The following CAMK4 variants were observed in gnomAD, a reference collection of about 807,000 sequenced individuals.
CAMK4 encodes calcium/calmodulin-dependent protein kinase type IV.
CAMK4 carries 22 observed loss-of-function variants against 44.9 expected under a neutral mutation model. The ratio of observed to expected loss-of-function variants is 0.49; its 90% confidence interval spans 0.35 to 0.70. The LOEUF is 0.70. CAMK4 is among the 30% of genes least tolerant of loss of function. The pLI is 0.01. For missense variants in CAMK4, 498 were observed against 586.8 expected (o/e 0.85, Z 1.56); for synonymous variants, 218 against 215.4 (o/e 1.01, Z -0.11).
At chr5:111,481,617 T>G (rs1055458932) in intron 9 of CAMK4, among the ~76,000 whole-genome samples, 3 of 152,164 alleles carry the variant, frequency 2.0e-5, no homozygotes, top group Admixed American at 2.0e-4. Context: ...CAAAGCTCCT[T>G]ATTTTGCACA....
intron 5 of CAMK4, among the ~76,000 whole-genome samples, chr5:111,419,039 A>G (rs969161589): frequency 5.3e-5 from 8 of 152,108 alleles, no homozygotes; most frequent in Non-Finnish European, 1.2e-4. Flanking sequence ...CAATGGTTGA[A>G]CTAGTTTACA....
In CAMK4 at chr5:111,484,375, T is replaced by C; in HGVS notation, c.1331T>C (p.Val444Ala). 3 of 1,599,768 alleles carry C rather than the reference T, an allele frequency of 1.9e-6. No homozygotes were observed. Among genetic ancestry groups the C allele is most frequent in the Non-Finnish European group, 2.6e-6 (3 of 1,173,648 alleles). ...EGLAEEKLKT[V>A]EEAAAPREGQ... ...CTAGCAGAGGAGAAGCTGAAGACTG[T>C]GGAGGAGGCAGCAGCTCCCAGAGAA... is the stretch of plus-strand genomic sequence containing the variant. Residue 444 changes from valine to alanine, a missense_variant, in exon 11 of 11, where the codon GTG becomes GCG. Transcript: ENST00000282356. The surrounding 1 kb of genome is among the most constrained non-coding windows in gnomAD (Gnocchi z 5.3).
At chr5:111,394,964 T>C (rs1356549450) in intron 5 of CAMK4, among the ~76,000 whole-genome samples, 182 bp downstream of exon 5, 1 of 151,916 alleles carries the variant, frequency 6.6e-6, no homozygotes, top group African/African-American at 2.4e-5. Context: ...ATCTCAGCAC[T>C]TTGGGAGGCT....
intron 1 of CAMK4, among the ~76,000 whole-genome samples, chr5:111,235,737 T>C (rs2088978746): frequency 6.6e-6 from 1 of 152,094 alleles, no homozygotes; most frequent in African/African-American, 2.4e-5. Flanking sequence ...CTAAGGGCTG[T>C]TGGGATTGGG....
chr5:111,418,697 G>T (rs1234496314), intron 5 of CAMK4, among the ~76,000 whole-genome samples: 1 of 151,546 alleles, frequency 6.6e-6, no homozygotes, highest in Non-Finnish European at 1.5e-5. Context: ...GCGGTGTTTG[G>T]TTTTTTGTCC....
chr5:111,394,884 C>A, intron 5 of CAMK4, 102 bp downstream of exon 5: 2 of 761,122 alleles, frequency 2.6e-6, no homozygotes, highest in Non-Finnish European at 4.5e-6. Flanking sequence ...ATACATTTTA[C>A]AGCATAAAGT....
At chr5:111,441,988 G>A (rs933324725) in intron 5 of CAMK4, among the ~76,000 whole-genome samples, 4 of 152,152 alleles carry the variant, frequency 2.6e-5, no homozygotes, top group African/African-American at 9.7e-5. Context: ...TGAGATTAGT[G>A]TTGATGATAT....
chr5:111,333,433 GTTA>G (rs1749261196), intron 1 of CAMK4, among the ~76,000 whole-genome samples: 1 of 151,576 alleles, frequency 6.6e-6, no homozygotes, highest in African/African-American at 2.4e-5. Context: ...ACTGATAAGA[GTTA>G]TTAAGACCCT....
intron 1 of CAMK4, among the ~76,000 whole-genome samples, chr5:111,322,304 C>T (rs557759623): frequency 6.6e-6 from 1 of 152,098 alleles, no homozygotes; most frequent in East Asian, 1.9e-4. Flanking sequence ...GATCTCTGGC[C>T]AGGCCAGGGT....
chr5:111,465,133 C>G lies in CAMK4; in HGVS notation c.626-8178C>G, dbSNP rs528906181. On this transcript the variant is annotated intron_variant, in intron 7 of 10. Coordinates refer to ENST00000282356, the MANE Select transcript of CAMK4 (RefSeq NM_001744.6). Reference sequence around the variant, plus strand: ...GTTTGAATTTCTGTAAATAATAAATCTTCCTTTTCTTCTCTCTGGCCTACT... The same window carrying G: ...GTTTGAATTTCTGTAAATAATAAATGTTCCTTTTCTTCTCTCTGGCCTACT... Among the ~76,000 whole-genome samples, 41 of 152,136 alleles carry G rather than the reference C, an allele frequency of 2.7e-4. No homozygotes were observed. The South Asian group carries it at 8.3e-3, about 31-fold the overall frequency.
At chr5:111,467,830 G>T (rs755708771) in intron 7 of CAMK4, among the ~76,000 whole-genome samples, 1 of 152,048 alleles carries the variant, frequency 6.6e-6, no homozygotes, top group Non-Finnish European at 1.5e-5. Flanking sequence ...ACTACCGTTT[G>T]ATCCAGCAAT....
chr5:111,319,576 G>C lies in CAMK4; in HGVS notation c.162-24448G>C, dbSNP rs111947518. On this transcript the variant is annotated intron_variant, in intron 1 of 10. Coordinates refer to ENST00000282356, the MANE Select transcript of CAMK4 (RefSeq NM_001744.6). ...TAGATCAGTAAGATGCTCTGTGAAC[G>C]TGATGAGTTCCCAGTGTATAATGAA... Among the ~76,000 whole-genome samples the C allele has an allele frequency of 5.9e-3, 891 of 152,216 alleles. 10 individuals carry two copies. The highest frequency in any genetic ancestry group is 0.01 in the Middle Eastern group (3 of 294).
chr5:111,460,882 A>G (rs1433093701), intron 7 of CAMK4, among the ~76,000 whole-genome samples: 1 of 152,222 alleles, frequency 6.6e-6, no homozygotes, highest in Non-Finnish European at 1.5e-5. Context: ...AGCACTAGGT[A>G]TTCTCAAATA....
At chr5:111,340,049 C>A (rs1203568222) in intron 1 of CAMK4, among the ~76,000 whole-genome samples, 3 of 151,072 alleles carry the variant, frequency 2.0e-5, no homozygotes, top group African/African-American at 7.3e-5. Context: ...AGAAACCCAA[C>A]TGATTTTTTA....
intron 1 of CAMK4, among the ~76,000 whole-genome samples, chr5:111,239,985 A>G (rs1212332893): frequency 6.6e-6 from 1 of 152,178 alleles, no homozygotes; most frequent in Non-Finnish European, 1.5e-5. Context: ...TTGATATTTC[A>G]TGTATTGAAA....
At chr5:111,292,195 A>T (rs1747293845) in intron 1 of CAMK4, among the ~76,000 whole-genome samples, 1 of 152,220 alleles carries the variant, frequency 6.6e-6, no homozygotes, top group Non-Finnish European at 1.5e-5. Context: ...CCTCATAATT[A>T]TCTCCATGAT....
At chr5:111,311,850 T>A (rs1406799306) in intron 1 of CAMK4, among the ~76,000 whole-genome samples, 2 of 152,182 alleles carry the variant, frequency 1.3e-5, no homozygotes, top group Non-Finnish European at 2.9e-5. Flanking sequence ...TCAGTCTTCC[T>A]AATCTTCGGT....
chr5:111,333,769 G>A (rs557098581), intron 1 of CAMK4, among the ~76,000 whole-genome samples: 12 of 151,708 alleles, frequency 7.9e-5, no homozygotes, highest in Middle Eastern at 3.4e-3. Flanking sequence ...ACAAAGTAGA[G>A]AATATAATAA....
chr5:111,452,587 T>C (rs1754274635), intron 7 of CAMK4, among the ~76,000 whole-genome samples: 1 of 152,250 alleles, frequency 6.6e-6, no homozygotes, highest in African/African-American at 2.4e-5. Flanking sequence ...AGATGACATG[T>C]TCAATCTATT....
Sources: gnomAD v4.1 joint callset for allele counts (sites outside exome capture counted in the v4.1 genomes callset) on GRCh38, gnomAD v4.1.1 for gene constraint, Gnocchi (gnomAD v3.1) non-coding constraint, MANE v1.5 for transcripts, NCBI Gene and HGNC (gene_info 2026-07-23, HGNC 2026-07-21) for gene names.